The following PRDM15 variants were observed in gnomAD, a reference collection of about 807,000 sequenced individuals.
PRDM15 encodes PR domain zinc finger protein 15.
PRDM15 carries 64 observed loss-of-function variants against 128.6 expected under a neutral mutation model. The observed-to-expected ratio is 0.50, with a 90% CI of 0.41 to 0.61. The LOEUF is 0.61. PRDM15 is among the 20% of genes least tolerant of loss of function. The pLI is 0.00. For synonymous variants in PRDM15, 615 were observed against 621.8 expected, an observed-to-expected ratio of 0.99 and a Z score of 0.16; for missense variants, 1,242 against 1,569.1, an observed-to-expected ratio of 0.79 and a Z score of 3.52.
chr21:41,847,755 G>A (rs1313855475), intron 5 of PRDM15, among the ~76,000 whole-genome samples: 1 of 152,212 alleles, frequency 6.6e-6, no homozygotes, highest in Admixed American at 6.5e-5. Context: ...GGAAATAAGT[G>A]TTTAATTTTA....
Position 41,828,097 on chromosome 21 carries a change from C to T in PRDM15, c.1534+69G>A, listed in dbSNP as rs1192580015. On this transcript the variant is annotated intron_variant, in intron 12 of 23. Transcript: ENST00000398548. This position sits in a 1 kb window ranked among gnomAD's most constrained non-coding sequence, Gnocchi z 5.7. The stretch of plus-strand genomic sequence containing the variant: ...TCCCCAAAGGCCCTGCTGACTGCTC[C>T]ATGCCGCCCTGCCCCACCCCGCAGG... The T allele has an allele frequency of 5.8e-6, 9 of 1,559,938 alleles. No individual in the cohort carries two copies. Among genetic ancestry groups the T allele is most frequent in the Non-Finnish European group, 7.9e-6 (9 of 1,141,558 alleles).
chr21:41,818,712 T>C (rs994186082), intron 18 of PRDM15, among the ~76,000 whole-genome samples: 1 of 152,230 alleles, frequency 6.6e-6, no homozygotes, highest in Admixed American at 6.5e-5. Context: ...CGGGACAGCA[T>C]GAGCAGGGTC....
Position 41,801,285 on chromosome 21 carries a change from G to T in PRDM15, c.3381C>A (p.Pro1127=). The T allele has an allele frequency of 6.4e-7, 1 of 1,554,998 alleles. No homozygotes were observed. Among genetic ancestry groups the T allele is most frequent in the South Asian group, 1.2e-5 (1 of 81,038 alleles). The change falls in exon 24 of 24, where the codon CCC becomes CCA. Residue 1127 remains proline, a synonymous_variant. Coordinates refer to ENST00000398548, the MANE Select transcript of PRDM15 (RefSeq NM_001040424.3). ...GCTGCTGCTGCTCCGCCTGCACCTG[G>T]GGCTGGGCCGCCTGCTGTGGGGGTG... The part of the protein sequence containing the change: ...PQAPPQQAAQ[P]QVQAEQQQQQ...
At chr21:41,837,487 T>C (rs2062933108) in intron 8 of PRDM15, among the ~76,000 whole-genome samples, 1 of 151,942 alleles carries the variant, frequency 6.6e-6, no homozygotes, top group African/African-American at 2.4e-5. Context: ...TCTAGAGTCA[T>C]CAAATCCACA....
rs1417687075 is a variant in PRDM15, at chr21:41,854,666, T to C, written c.438A>G (p.Arg146=). Residue 146 remains arginine, a synonymous_variant, in exon 5 of 24, where the codon AGA becomes AGG. Coordinates refer to ENST00000398548, the MANE Select transcript of PRDM15 (RefSeq NM_001040424.3). This position sits in a 1 kb window ranked among gnomAD's most constrained non-coding sequence, Gnocchi z 4.6. ...GCAGCTCGGTACCCGGGGGGATGTCTCTGGAGGTGGTGAAGTACACGTCGC... is the reference window on the plus strand; with the variant it reads ...GCAGCTCGGTACCCGGGGGGATGTCCCTGGAGGTGGTGAAGTACACGTCGC... ...HGSDVYFTTS[R]DIPPGTELRV... is the part of the protein sequence containing the mutation. 3 of 1,613,788 alleles carry C rather than the reference T, an allele frequency of 1.9e-6. No individual in the cohort carries two copies. The highest frequency in any genetic ancestry group is 4.5e-5 in the East Asian group (2 of 44,884).
At chr21:41,819,901 G>C in intron 17 of PRDM15, 194 bp downstream of exon 17, 1 of 783,912 alleles carries the variant, frequency 1.3e-6, no homozygotes, top group Non-Finnish European at 2.0e-6. Flanking sequence ...GACCTGGAGG[G>C]GTGAGGGGGC....
In PRDM15 at chr21:41,879,102, G is replaced by T; in HGVS notation, c.-10+168C>A. On this transcript the variant is annotated intron_variant, in intron 1 of 23. Transcript: ENST00000398548. The surrounding 1 kb of genome is among the most constrained non-coding windows in gnomAD (Gnocchi z 5.1). ...GCCCGCAGCCGGCGAATGTAACAAA[G>T]AACAGTCGGCATGGCGGCTGGACCG... is the stretch of plus-strand genomic sequence containing the variant. The T allele has an allele frequency of 9.0e-7, 1 of 1,105,528 alleles. No homozygotes were observed. The highest frequency in any genetic ancestry group is 1.1e-6 in the Non-Finnish European group (1 of 884,700). 68.5% of individuals were successfully genotyped at this position (1,105,528 alleles called of 1,614,324 possible).
chr21:41,836,097 G>C lies in PRDM15; in HGVS notation c.1278+16C>G, dbSNP rs767555550. On this transcript the variant is annotated intron_variant, in intron 10 of 23. Coordinates refer to ENST00000398548, the MANE Select transcript of PRDM15 (RefSeq NM_001040424.3). ...CACACAACTGGGAAGAGAACCCTGG[G>C]CTTGTTTCCACCCACCTCGTTCCTG... The C allele has an allele frequency of 1.1e-4, 174 of 1,591,730 alleles. No homozygotes were observed. The highest frequency in any genetic ancestry group is 1.5e-4 in the Non-Finnish European group (170 of 1,160,538).
chr21:41,858,531 C>T (rs1384761837), intron 3 of PRDM15, among the ~76,000 whole-genome samples: 2 of 149,312 alleles, frequency 1.3e-5, no homozygotes, highest in African/African-American at 5.0e-5. Flanking sequence ...CAGAGGCGGA[C>T]ATTGGGTGCC....
chr21:41,867,438 C>A, intron 1 of PRDM15: 1 of 1,263,794 alleles, frequency 7.9e-7, no homozygotes, highest in Non-Finnish European at 1.1e-6. Flanking sequence ...ACAGGTGAAA[C>A]ATACATGTTG....
At chr21:41,805,986 T>TATCACCACCACCACCACCATCACCACC (rs2061556639) in intron 21 of PRDM15, among the ~76,000 whole-genome samples, 1 of 9,448 alleles carries the variant, frequency 1.1e-4, no homozygotes, top group Admixed American at 1.5e-3. Context: ...CTATCACCAC[T>TATCACCACCACCACCACCATCACCACC]ATCACCACCA....
At chr21:41,803,580 C>T (rs570471343) in intron 22 of PRDM15, among the ~76,000 whole-genome samples, 1 of 152,346 alleles carries the variant, frequency 6.6e-6, no homozygotes, top group African/African-American at 2.4e-5. Flanking sequence ...TGCCATTCCA[C>T]ACAACCTGAT....
intron 2 of PRDM15, among the ~76,000 whole-genome samples, 182 bp downstream of exon 2, chr21:41,860,145 A>T (rs890879377): frequency 4.6e-5 from 7 of 152,110 alleles, no homozygotes; most frequent in South Asian, 2.1e-4. Flanking sequence ...TTAAAACCAT[A>T]CCCCTGTAGT....
chr21:41,810,384 C>A lies in PRDM15; in HGVS notation c.2477-55G>T. The A allele has an allele frequency of 6.4e-7, 1 of 1,556,258 alleles. No individual in the cohort carries two copies. Among genetic ancestry groups the A allele is most frequent in the South Asian group, 1.2e-5 (1 of 83,828 alleles). On this transcript the variant is annotated intron_variant, in intron 20 of 23. Transcript: ENST00000398548. The surrounding 1 kb of genome is among the most constrained non-coding windows in gnomAD (Gnocchi z 6.4). ...CGTGGAAAGGAAGAGACACGCAGGTCACTAGTGCAGCCATCCCAATGACCC... is the reference window on the plus strand; with the variant it reads ...CGTGGAAAGGAAGAGACACGCAGGTAACTAGTGCAGCCATCCCAATGACCC...
intron 21 of PRDM15, among the ~76,000 whole-genome samples, chr21:41,808,487 G>T (rs952389718): frequency 6.6e-6 from 1 of 152,162 alleles, no homozygotes; most frequent in Non-Finnish European, 1.5e-5. Context: ...CCCAAACTAG[G>T]GAGCCACCAG....
chr21:41,859,720 G>A lies in PRDM15; in HGVS notation c.38-35C>T. 1 of 1,573,254 alleles carries A rather than the reference G, an allele frequency of 6.4e-7. No homozygotes were observed. ...GACATCCGGGCATTAGAGCACCCAG[G>A]GAGGGAGACACCTAAAGAACACAAA... On this transcript the variant is annotated intron_variant, in intron 2 of 23. Coordinates refer to ENST00000398548, the MANE Select transcript of PRDM15 (RefSeq NM_001040424.3). The surrounding 1 kb of genome is among the most constrained non-coding windows in gnomAD (Gnocchi z 5.3).
At chr21:41,835,673 G>T (rs925605451) in intron 10 of PRDM15, 149 bp from the exon 11 acceptor site, 1 of 646,912 alleles carries the variant, frequency 1.5e-6, no homozygotes, top group Non-Finnish European at 2.8e-6. Context: ...GAACACAAAG[G>T]ATGTTTGCTC....
intron 13 of PRDM15, 119 bp downstream of exon 13, chr21:41,825,841 A>C: frequency 3.9e-6 from 3 of 767,374 alleles, no homozygotes; most frequent in Non-Finnish European, 6.6e-6. Context: ...CAACCTGAGC[A>C]CCCATCGTTA....
At chr21:41,843,095 G>GT (rs1000721182) in intron 6 of PRDM15, among the ~76,000 whole-genome samples, 4 of 151,142 alleles carry the variant, frequency 2.6e-5, no homozygotes, top group East Asian at 2.0e-4. Context: ...TGATTTTTTT[G>GT]TTTTTTTGTT....
Sources: gnomAD v4.1 joint callset for allele counts (sites outside exome capture counted in the v4.1 genomes callset) on GRCh38, gnomAD v4.1.1 for gene constraint, Gnocchi (gnomAD v3.1) non-coding constraint, MANE v1.5 for transcripts, NCBI Gene and HGNC (gene_info 2026-07-23, HGNC 2026-07-21) for gene names.